MARCHF3: variants seen among roughly 807,000 people sequenced by gnomAD.
MARCHF3 encodes the protein E3 ubiquitin-protein ligase MARCHF3.
In MARCHF3, 13 loss-of-function variants were observed where a neutral mutation model predicts 24.2. The ratio of observed to expected loss-of-function variants is 0.54; its 90% confidence interval spans 0.35 to 0.85. MARCHF3 has a LOEUF of 0.85. MARCHF3 is among the 40% of genes least tolerant of loss of function. MARCHF3 has a pLI of 0.01. For synonymous variants in MARCHF3, 144 were observed against 137.3 expected, an observed-to-expected ratio of 1.05 and a Z score of -0.34; for missense variants, 276 against 325.0, an observed-to-expected ratio of 0.85 and a Z score of 1.16.
chr5:126,934,055 C>T (rs952770440), intron 1 of MARCHF3, among the ~76,000 whole-genome samples: 5 of 152,134 alleles, frequency 3.3e-5, no homozygotes, highest in African/African-American at 4.8e-5. Flanking sequence ...CAAAAACATA[C>T]GCGATTTCTT....
intron 1 of MARCHF3, among the ~76,000 whole-genome samples, chr5:126,920,478 G>A (rs1483280506): frequency 6.6e-6 from 1 of 152,194 alleles, no homozygotes; most frequent in East Asian, 1.9e-4. Flanking sequence ...GTATTGGCAG[G>A]AAAAGCAGAC....
chr5:126,942,272 A>G (rs1307167582), intron 1 of MARCHF3, among the ~76,000 whole-genome samples: 4 of 152,248 alleles, frequency 2.6e-5, no homozygotes, highest in Non-Finnish European at 4.4e-5. Flanking sequence ...AGGGCCAGAT[A>G]GTAAATATTT....
At chr5:126,890,182 A>C (rs2126774708) in intron 3 of MARCHF3, among the ~76,000 whole-genome samples, 1 of 152,098 alleles carries the variant, frequency 6.6e-6, no homozygotes, top group South Asian at 2.1e-4. Flanking sequence ...TGCTGGTCTT[A>C]CTTCCTTTGA....
chr5:127,000,978 G>A (rs1160340922), intron 1 of MARCHF3, among the ~76,000 whole-genome samples: 3 of 152,100 alleles, frequency 2.0e-5, no homozygotes, highest in Non-Finnish European at 4.4e-5. Flanking sequence ...GGTGGCTCAC[G>A]CCTGTAACCC....
At chr5:126,964,987 G>C (rs972578049) in intron 1 of MARCHF3, among the ~76,000 whole-genome samples, 1 of 145,754 alleles carries the variant, frequency 6.9e-6, no homozygotes, top group African/African-American at 2.6e-5. Context: ...GAGCCTTCTT[G>C]ACTTCTGAAA....
chr5:127,004,026 A>G (rs1752225116), intron 1 of MARCHF3, among the ~76,000 whole-genome samples: 2 of 152,170 alleles, frequency 1.3e-5, no homozygotes, highest in Non-Finnish European at 2.9e-5. Flanking sequence ...CACCAGCTGC[A>G]GGTGGCACAC....
intron 1 of MARCHF3, among the ~76,000 whole-genome samples, chr5:126,933,087 T>C (rs891500963): frequency 1.3e-5 from 2 of 152,162 alleles, no homozygotes; most frequent in African/African-American, 4.8e-5. Flanking sequence ...ATGTATGGTT[T>C]CTAAAAAAAT....
At chr5:127,017,064 T>C (rs1201431141) in intron 1 of MARCHF3, among the ~76,000 whole-genome samples, 2 of 151,862 alleles carry the variant, frequency 1.3e-5, no homozygotes, top group African/African-American at 2.4e-5. Context: ...AATTGAACAA[T>C]GAGAACACTT....
intron 1 of MARCHF3, among the ~76,000 whole-genome samples, chr5:126,956,665 A>AAAC (rs1750455968): frequency 2.1e-5 from 3 of 144,682 alleles, no homozygotes; most frequent in African/African-American, 7.9e-5. Flanking sequence ...AAAAAAAAAA[A>AAAC]AAAAAACCAA....
intron 3 of MARCHF3, among the ~76,000 whole-genome samples, chr5:126,885,753 T>C (rs1753493060): frequency 6.6e-6 from 1 of 152,192 alleles, no homozygotes; most frequent in Non-Finnish European, 1.5e-5. Flanking sequence ...TAATTGCTTT[T>C]AGCCTTCTAG....
At chr5:126,919,271 C>A (rs1179267421) in intron 1 of MARCHF3, among the ~76,000 whole-genome samples, 1 of 152,154 alleles carries the variant, frequency 6.6e-6, no homozygotes, top group African/African-American at 2.4e-5. Context: ...GAGGTTTTTA[C>A]AGAAACTTGA....
intron 1 of MARCHF3, among the ~76,000 whole-genome samples, chr5:126,951,531 G>A (rs1750231240): frequency 6.6e-6 from 1 of 152,224 alleles, no homozygotes; most frequent in South Asian, 2.1e-4. Context: ...TCTATCTGCA[G>A]TCATCTTCAT....
intron 4 of MARCHF3, among the ~76,000 whole-genome samples, chr5:126,871,540 G>C (rs1408193719): frequency 6.6e-6 from 1 of 152,214 alleles, no homozygotes; most frequent in Non-Finnish European, 1.5e-5. Flanking sequence ...CCCTGCACTA[G>C]AAGCATCTTG....
At chr5:126,911,481 G>C (rs753167392) in intron 3 of MARCHF3, among the ~76,000 whole-genome samples, 1 of 152,144 alleles carries the variant, frequency 6.6e-6, no homozygotes, top group South Asian at 2.1e-4. Flanking sequence ...TCAGGGGCAG[G>C]TTCCCCCGAT....
intron 3 of MARCHF3, among the ~76,000 whole-genome samples, chr5:126,906,759 A>G (rs1392855519): frequency 1.3e-5 from 2 of 152,116 alleles, no homozygotes; most frequent in Admixed American, 6.5e-5. Context: ...TGATCCTTTC[A>G]AAAAACCAGC....
At chr5:126,963,415 T>C (rs1238776383) in intron 1 of MARCHF3, among the ~76,000 whole-genome samples, 2 of 152,152 alleles carry the variant, frequency 1.3e-5, no homozygotes, top group Non-Finnish European at 2.9e-5. Context: ...ATAGAAGATT[T>C]GACCAATCTT....
intron 1 of MARCHF3, among the ~76,000 whole-genome samples, chr5:127,001,237 A>C (rs977549509): frequency 9.5e-5 from 13 of 136,188 alleles, no homozygotes; most frequent in African/African-American, 3.4e-4. Context: ...GACTTCGTCT[A>C]AAAAAAAAAA....
intron 3 of MARCHF3, among the ~76,000 whole-genome samples, chr5:126,903,703 A>G (rs937786802): frequency 2.6e-5 from 4 of 152,052 alleles, no homozygotes; most frequent in Non-Finnish European, 2.9e-5. Context: ...TCTTGAATCT[A>G]TTAAATAGCA....
intron 3 of MARCHF3, among the ~76,000 whole-genome samples, chr5:126,878,903 A>C (rs1753259951): frequency 6.6e-6 from 1 of 152,206 alleles, no homozygotes; most frequent in South Asian, 2.1e-4. Context: ...TTACCTGATA[A>C]GAGTATTTTG....
Sources: allele counts gnomAD v4.1 joint callset (sites outside exome capture counted in the v4.1 genomes callset), GRCh38; gene constraint gnomAD v4.1.1; transcripts MANE v1.5; gene names NCBI Gene and HGNC (gene_info 2026-07-23, HGNC 2026-07-21).